Variants in AP3S2 observed in about 807,000 individuals in gnomAD.
The protein encoded by AP3S2 is adaptor related protein complex 3 subunit sigma 2, also known as AP-3 complex subunit sigma-2.
Under a neutral mutation model 23.4 loss-of-function variants are expected in AP3S2, and 22 were observed. The ratio of observed to expected loss-of-function variants is 0.94; its 90% CI spans 0.67 to 1.34. AP3S2 has a LOEUF of 1.34. AP3S2 is among the 40% of genes most tolerant of loss of function. The pLI is 0.00. For synonymous variants in AP3S2, 86 were observed against 87.1 expected (o/e 0.99, Z 0.07); for missense variants, 241 against 236.9 (o/e 1.02, Z -0.11).
intron 3 of AP3S2, among the ~76,000 whole-genome samples, chr15:89,873,458 T>C (rs1373995405): frequency 5.3e-5 from 8 of 152,118 alleles, no homozygotes; most frequent in Admixed American, 5.2e-4. Flanking sequence ...CTAATTTTTG[T>C]ATTTTTAGTA....
intron 3 of AP3S2, among the ~76,000 whole-genome samples, chr15:89,874,083 C>T (rs1411043397): frequency 1.3e-5 from 2 of 149,918 alleles, no homozygotes; most frequent in East Asian, 3.9e-4. Context: ...AGGGTTTCAC[C>T]ATGTTGGCCA....
chr15:89,880,426 C>T (rs1003595979), intron 3 of AP3S2, among the ~76,000 whole-genome samples: 2 of 152,132 alleles, frequency 1.3e-5, no homozygotes, highest in African/African-American at 4.8e-5. Context: ...TGCAGTGGCT[C>T]ACGCCTGTAA....
chr15:89,858,893 G>A (rs1449178114), intron 4 of AP3S2, among the ~76,000 whole-genome samples: 2 of 152,230 alleles, frequency 1.3e-5, no homozygotes, highest in African/African-American at 4.8e-5. Context: ...CACCAAACTT[G>A]AAGCAGCAGG....
chr15:89,868,631 C>G (rs1173032400), intron 4 of AP3S2, among the ~76,000 whole-genome samples: 2 of 117,500 alleles, frequency 1.7e-5, no homozygotes, highest in African/African-American at 6.5e-5. Context: ...TCTGCCCGGC[C>G]GCCCCTACTG....
At chr15:89,871,591 A>G in intron 3 of AP3S2, 45 bp from the exon 4 acceptor site, 1 of 1,589,482 alleles carries the variant, frequency 6.3e-7, no homozygotes, top group Non-Finnish European at 8.6e-7. Flanking sequence ...ATAGGAACAC[A>G]TTCACAGCTT....
At chr15:89,877,627 T>C (rs1896473980) in intron 3 of AP3S2, among the ~76,000 whole-genome samples, 1 of 152,046 alleles carries the variant, frequency 6.6e-6, no homozygotes, top group Non-Finnish European at 1.5e-5. Flanking sequence ...GGCAGGTGGA[T>C]CACTTGAGGC....
Position 89,888,652 on chromosome 15 carries a change from T to A in AP3S2, c.162-20A>T. On this transcript the variant is annotated intron_variant, in intron 2 of 5. Transcript: ENST00000336418. ...ATCAAACTGCAGAAGATGGGAAACA[T>A]TTAAATGCCCACAGCTTAATTAAAC... 1 of 1,606,994 alleles carries A rather than the reference T, an allele frequency of 6.2e-7. No individual in the cohort carries two copies. The highest frequency in any genetic ancestry group is 1.1e-5 in the South Asian group (1 of 90,732).
chr15:89,861,991 G>A (rs892961177), intron 4 of AP3S2, among the ~76,000 whole-genome samples: 3 of 152,138 alleles, frequency 2.0e-5, no homozygotes, highest in African/African-American at 7.2e-5. Flanking sequence ...ATAAGTAGGA[G>A]TGGTCCACTG....
intron 4 of AP3S2, among the ~76,000 whole-genome samples, chr15:89,858,867 T>C (rs550407335): frequency 4.0e-4 from 61 of 152,294 alleles, no homozygotes; most frequent in African/African-American, 1.3e-3. Flanking sequence ...TAACCAGTAA[T>C]AAGGAATGAC....
chr15:89,890,234 G>C (rs923165071), intron 1 of AP3S2, among the ~76,000 whole-genome samples: 4 of 152,074 alleles, frequency 2.6e-5, no homozygotes, highest in African/African-American at 7.2e-5. Flanking sequence ...ATTTATAGTA[G>C]AGATGGGGTT....
intron 4 of AP3S2, among the ~76,000 whole-genome samples, chr15:89,852,086 G>T (rs927135692): frequency 1.3e-5 from 2 of 151,848 alleles, no homozygotes; most frequent in Non-Finnish European, 2.9e-5. Flanking sequence ...CATAATCAGA[G>T]TCCAGGATCT....
At chr15:89,887,621 C>G (rs1303625458) in intron 3 of AP3S2, among the ~76,000 whole-genome samples, 1 of 151,896 alleles carries the variant, frequency 6.6e-6, no homozygotes, top group East Asian at 1.9e-4. Flanking sequence ...CTCGGCCTCC[C>G]AAAATGCTGA....
chr15:89,873,126 T>C (rs889669633), intron 3 of AP3S2, among the ~76,000 whole-genome samples: 1 of 152,210 alleles, frequency 6.6e-6, no homozygotes, highest in Admixed American at 6.5e-5. Flanking sequence ...TCTCAATCAC[T>C]ATGCTGGGTA....
intron 3 of AP3S2, among the ~76,000 whole-genome samples, chr15:89,886,125 C>T (rs1008797287): frequency 4.6e-5 from 7 of 151,858 alleles, no homozygotes; most frequent in South Asian, 2.1e-4. Flanking sequence ...CCGAGGCGGG[C>T]GGATCACAAG....
intron 4 of AP3S2, among the ~76,000 whole-genome samples, chr15:89,846,677 C>T (rs1326800765): frequency 6.6e-6 from 1 of 152,190 alleles, no homozygotes; most frequent in Non-Finnish European, 1.5e-5. Flanking sequence ...CAGGCGTGTG[C>T]CACCACACCC....
rs552721480 is a variant in AP3S2, at chr15:89,843,230, C to T, written c.346-5508G>A. ...AACTCCCAAACTCAGGTGATCCGTC[C>T]GCCTTGGCCTCCCAAAGTGCTGGGA... is the stretch of plus-strand genomic sequence containing the variant. On this transcript the variant is annotated intron_variant, in intron 4 of 5. Coordinates refer to ENST00000336418, the MANE Select transcript of AP3S2 (RefSeq NM_005829.5). Among the ~76,000 whole-genome samples the T allele has an allele frequency of 6.2e-4, 94 of 152,056 alleles. 5 individuals are homozygous for T. The East Asian group carries it at 0.016, about 26-fold the overall frequency.
chr15:89,893,916 C>T lies in AP3S2; in HGVS notation c.34G>A (p.Gly12Arg). 1 of 1,551,712 alleles carries T rather than the reference C, an allele frequency of 6.4e-7. No homozygotes were observed. The highest frequency in any genetic ancestry group is 1.4e-5 in the African/African-American group (1 of 73,180). The change falls in exon 1 of 6, where the codon GGG becomes AGG. Residue 12 changes from glycine to arginine, a missense_variant. Gly to Arg is a moderately radical substitution (Grantham distance 125). Coordinates refer to ENST00000336418, the MANE Select transcript of AP3S2 (RefSeq NM_005829.5). The part of the protein sequence containing the change: ...IQAILVFNNH[G>R]KPRLVRFYQR... The stretch of plus-strand genomic sequence containing the variant: ...TAGAAGCGGACTAGCCGTGGCTTCC[C>T]ATGGTTGTTGAAAACCAGAATCGCC...
chr15:89,869,110 C>T (rs373450844), intron 4 of AP3S2, among the ~76,000 whole-genome samples: 9,133 of 152,172 alleles, frequency 0.06, 372 homozygotes, highest in Non-Finnish European at 0.092. Context: ...ATGACAATGG[C>T]GGCTTTGTGG....
In AP3S2 at chr15:89,837,630, C is replaced by T; in HGVS notation, c.438G>A (p.Arg146=). The T allele has an allele frequency of 6.2e-7, 1 of 1,614,172 alleles. No individual in the cohort carries two copies. The highest frequency in any genetic ancestry group is 8.5e-7 in the Non-Finnish European group (1 of 1,180,018). The change falls in exon 5 of 6, where the codon AGG becomes AGA. Residue 146 remains arginine (R), a synonymous_variant. Coordinates refer to ENST00000336418, the MANE Select transcript of AP3S2 (RefSeq NM_005829.5). ...EIVAQIEAQN[R]LEKSEGGLSA... ...GCTTACTCACCTCGGATTTCTCCAGCCTGTTTTGAGCCTCAATCTGAGCCA... is the reference window on the plus strand; with the variant it reads ...GCTTACTCACCTCGGATTTCTCCAGTCTGTTTTGAGCCTCAATCTGAGCCA...
Sources: allele counts gnomAD v4.1 joint callset (sites outside exome capture counted in the v4.1 genomes callset), GRCh38; gene constraint gnomAD v4.1.1; transcripts MANE v1.5; gene names NCBI Gene and HGNC (gene_info 2026-07-23, HGNC 2026-07-21).